Variants in RGS6 observed in about 807,000 individuals in gnomAD.
The protein encoded by RGS6 is regulator of G protein signaling 6.
A neutral mutation model predicts 78.5 loss-of-function variants in RGS6; 30 were observed. The observed-to-expected ratio is 0.38, with a 90% CI of 0.29 to 0.52. The LOEUF (loss-of-function observed/expected upper bound fraction) is 0.52. RGS6 is among the 20% of genes least tolerant of loss of function. The pLI is 0.85. For synonymous variants in RGS6, 206 were observed against 206.0 expected (o/e 1.00, Z 0.00); for missense variants, 495 against 609.7 (o/e 0.81, Z 1.98).
the RGS6 span, among the ~76,000 whole-genome samples, chr14:72,579,103 T>C: frequency 3.2e-4 from 49 of 152,206 alleles, no homozygotes; most frequent in African/African-American, 1.1e-3. Flanking sequence ...AGTCAGTCAG[T>C]CTCTGTCTCT....
At chr14:71,949,358 A>G (rs1156645676) in intron 1 of RGS6, among the ~76,000 whole-genome samples, 1 of 152,074 alleles carries the variant, frequency 6.6e-6, no homozygotes, top group Non-Finnish European at 1.5e-5. Context: ...AATTTTAGCC[A>G]TTCTGGTGGG....
chr14:72,605,145 C>T, the RGS6 span, among the ~76,000 whole-genome samples: 1,815 of 152,112 alleles, frequency 0.012, 74 homozygotes, highest in East Asian at 0.09. Context: ...CAAGGACCAG[C>T]GGCAGCCATT....
At chr14:71,900,513 A>G in the RGS6 span, among the ~76,000 whole-genome samples, 13 of 152,124 alleles carry the variant, frequency 8.5e-5, no homozygotes, top group Non-Finnish European at 1.8e-4. Flanking sequence ...TTACTACTTC[A>G]GAGCAGGGAA....
chr14:72,625,940 A>T, the RGS6 span, among the ~76,000 whole-genome samples: 1 of 152,182 alleles, frequency 6.6e-6, no homozygotes, highest in Non-Finnish European at 1.5e-5. Flanking sequence ...TAATTCATAT[A>T]CCTATGAAAA....
At chr14:72,046,960 C>T (rs1016487651) in intron 2 of RGS6, among the ~76,000 whole-genome samples, 1 of 152,176 alleles carries the variant, frequency 6.6e-6, no homozygotes, top group South Asian at 2.1e-4. Flanking sequence ...ATTTACCTAG[C>T]CTTGTGACCC....
At chr14:71,915,672 A>G in the RGS6 span, among the ~76,000 whole-genome samples, 1 of 152,166 alleles carries the variant, frequency 6.6e-6, no homozygotes, top group African/African-American at 2.4e-5. Flanking sequence ...TTTGTGCTGA[A>G]GTGATTGGTT....
intron 2 of RGS6, among the ~76,000 whole-genome samples, chr14:72,222,874 C>G (rs1440814398): frequency 6.6e-6 from 1 of 152,206 alleles, no homozygotes; most frequent in Non-Finnish European, 1.5e-5. Context: ...TCAAGTTTTT[C>G]ACCTCCAAAA....
At chr14:72,528,837 T>G (rs971974675) in intron 15 of RGS6, among the ~76,000 whole-genome samples, 7 of 152,246 alleles carry the variant, frequency 4.6e-5, no homozygotes, top group Non-Finnish European at 8.8e-5. Context: ...TTGCAGATTC[T>G]GAATATACAT....
At chr14:72,545,356 A>T (rs191096477) in intron 17 of RGS6, among the ~76,000 whole-genome samples, 1 of 152,360 alleles carries the variant, frequency 6.6e-6, no homozygotes, top group African/African-American at 2.4e-5. Context: ...CAGCAAGTGC[A>T]TGTCCTGGGA....
rs910776982 is a variant in RGS6, at chr14:72,366,432, C to A, written c.184+14238C>A. Among the ~76,000 whole-genome samples, 15 of 152,002 alleles carry A rather than the reference C, an allele frequency of 9.9e-5. 1 individual carries two copies. The highest frequency in any genetic ancestry group is 3.6e-4 in the African/African-American group (15 of 41,360). ...GTCTTAGAAAGTGAAAAATTAAGAGCTGTAAGGGGTGAGGTTTAGCAAATA... is the reference window on the plus strand; with the variant it reads ...GTCTTAGAAAGTGAAAAATTAAGAGATGTAAGGGGTGAGGTTTAGCAAATA... On this transcript the variant is annotated intron_variant, in intron 3 of 17. Coordinates refer to ENST00000553525, the MANE Select transcript of RGS6 (RefSeq NM_001204424.2).
intron 2 of RGS6, among the ~76,000 whole-genome samples, chr14:72,250,580 A>G (rs1459023781): frequency 1.3e-5 from 2 of 148,782 alleles, no homozygotes; most frequent in Non-Finnish European, 3.0e-5. Context: ...TTGGAGAATA[A>G]TAGTCATTGA....
chr14:72,084,561 A>G (rs1487199836), intron 2 of RGS6, among the ~76,000 whole-genome samples: 2 of 152,176 alleles, frequency 1.3e-5, no homozygotes, highest in Admixed American at 6.5e-5. Flanking sequence ...AGGTCCTGCA[A>G]TTCCCCGTAA....
chr14:72,386,038 C>T (rs1228175309), intron 3 of RGS6, among the ~76,000 whole-genome samples: 1 of 151,998 alleles, frequency 6.6e-6, no homozygotes, highest in South Asian at 2.1e-4. Flanking sequence ...GAGCATTTCC[C>T]CTCATCACGG....
At chr14:72,340,185 G>T (rs545231151) in intron 2 of RGS6, among the ~76,000 whole-genome samples, 6 of 152,264 alleles carry the variant, frequency 3.9e-5, no homozygotes, top group African/African-American at 1.4e-4. Context: ...CTTATAAATT[G>T]TGAGGAGAGT....
At chr14:72,537,317 T>G (rs1204292119) in intron 16 of RGS6, among the ~76,000 whole-genome samples, 1 of 152,208 alleles carries the variant, frequency 6.6e-6, no homozygotes, top group East Asian at 1.9e-4. Context: ...CTCTGTGTGC[T>G]GTCACCCTCA....
chr14:71,925,869 T>C, the RGS6 span, among the ~76,000 whole-genome samples: 1 of 152,052 alleles, frequency 6.6e-6, no homozygotes, highest in Non-Finnish European at 1.5e-5. Context: ...ATTATACCAA[T>C]GATGATCTAT....
intron 1 of RGS6, among the ~76,000 whole-genome samples, chr14:71,961,347 C>T (rs2093181514): frequency 6.6e-6 from 1 of 152,114 alleles, no homozygotes; most frequent in Non-Finnish European, 1.5e-5. Context: ...GATTTTATAG[C>T]CAATGCCCAA....
intron 2 of RGS6, among the ~76,000 whole-genome samples, chr14:72,250,006 C>T (rs551580723): frequency 3.4e-5 from 5 of 146,936 alleles, no homozygotes; most frequent in East Asian, 2.0e-4. Context: ...AACCAAACAC[C>T]GCATATTCTC....
At chr14:72,541,594 C>A in intron 17 of RGS6, 1 of 1,535,678 alleles carries the variant, frequency 6.5e-7, no homozygotes, top group Non-Finnish European at 8.7e-7. Context: ...CTGGGACTTC[C>A]TTCACTCCAT....
Sources: gnomAD v4.1 joint callset for allele counts (sites outside exome capture counted in the v4.1 genomes callset) on GRCh38, gnomAD v4.1.1 for gene constraint, MANE v1.5 for transcripts, NCBI Gene and HGNC (gene_info 2026-07-23, HGNC 2026-07-21) for gene names.